Variants in CHD9 observed in about 807,000 individuals in gnomAD.
The protein encoded by CHD9 is chromodomain helicase DNA binding protein 9, also known as ATP-dependent chromatin remodeler CHD9.
In CHD9, 77 loss-of-function variants were observed where a neutral mutation model predicts 316.1. That is an observed-to-expected ratio of 0.24 (90% CI 0.20 to 0.29). CHD9 has a LOEUF of 0.29. Among genes scored for constraint, CHD9 ranks in the 10% least tolerant of loss-of-function variants. CHD9 has a pLI of 1.00. For missense variants in CHD9, 2,763 were observed against 3,438.1 expected (o/e 0.80, Z 4.91); for synonymous variants, 1,129 against 1,158.3 (o/e 0.97, Z 0.51).
intron 1 of CHD9, among the ~76,000 whole-genome samples, chr16:53,154,178 T>C (rs907288065): frequency 2.0e-5 from 3 of 152,226 alleles, no homozygotes; most frequent in Non-Finnish European, 4.4e-5. Context: ...CTGGGCTTCC[T>C]AATTTTTTGA....
intron 30 of CHD9, among the ~76,000 whole-genome samples, chr16:53,297,695 C>T (rs1042723292): frequency 6.6e-6 from 1 of 152,242 alleles, no homozygotes; most frequent in African/African-American, 2.4e-5. Context: ...ATAGCTCATC[C>T]TGTCAACAGT....
At chr16:53,255,838 A>G in intron 19 of CHD9, 59 bp downstream of exon 19, 2 of 1,461,668 alleles carry the variant, frequency 1.4e-6, no homozygotes, top group Admixed American at 1.8e-5. Flanking sequence ...AACTACTGAG[A>G]AAGTTTAATT....
At chr16:53,127,540 G>A (rs1344601469) in intron 1 of CHD9, among the ~76,000 whole-genome samples, 1 of 152,132 alleles carries the variant, frequency 6.6e-6, no homozygotes, top group African/African-American at 2.4e-5. Flanking sequence ...GGGCCAGACA[G>A]TTCTAAGTGT....
chr16:53,163,935 A>AT (rs574560574), intron 2 of CHD9, among the ~76,000 whole-genome samples: 149 of 152,236 alleles, frequency 9.8e-4, no homozygotes, highest in Non-Finnish European at 1.6e-3. Context: ...TTTGGATATG[A>AT]TTTTTTTCCT....
Position 53,120,152 on chromosome 16 carries a change from A to AAC in CHD9, c.-164-35774_-164-35773insAC, listed in dbSNP as rs763465049. Among the ~76,000 whole-genome samples the AAC allele has an allele frequency of 9.9e-4, 150 of 152,280 alleles. 1 individual carries two copies. The highest frequency in any genetic ancestry group is 1.7e-3 in the Non-Finnish European group (115 of 68,024). On this transcript the variant is annotated intron_variant, in intron 1 of 38. Coordinates refer to ENST00000447540, the MANE Select transcript of CHD9 (RefSeq NM_001308319.2). ...TAGGCTGAGGTAAGAGGATCGCTTG[A>AAC]GCCCAGGACTTGGAGGTTGCAACAA...
chr16:53,268,531 C>T (rs2051913046), intron 22 of CHD9, among the ~76,000 whole-genome samples: 1 of 152,118 alleles, frequency 6.6e-6, no homozygotes, highest in African/African-American at 2.4e-5. Context: ...TCCATGTACC[C>T]TCCTCCTTGT....
intron 2 of CHD9, among the ~76,000 whole-genome samples, chr16:53,208,911 A>C (rs1567480718): frequency 6.6e-6 from 1 of 152,200 alleles, no homozygotes; most frequent in Non-Finnish European, 1.5e-5. Context: ...AAAAATTTTC[A>C]CATTTAACTC....
chr16:53,310,726 CCA>C (rs1357925143), intron 34 of CHD9: 1 of 151,352 alleles, frequency 6.6e-6, no homozygotes, highest in Non-Finnish European at 1.5e-5. Context: ...TGGCGCGTGC[CCA>C]GATTCCCAGC....
intron 2 of CHD9, among the ~76,000 whole-genome samples, chr16:53,171,787 GT>G (rs1180698544): frequency 1.3e-5 from 2 of 151,128 alleles, no homozygotes; most frequent in Admixed American, 1.3e-4. Flanking sequence ...GGAGACAGGG[GT>G]TGCAGGTGAC....
intron 2 of CHD9, among the ~76,000 whole-genome samples, chr16:53,160,870 G>A (rs751844809): frequency 3.6e-4 from 55 of 152,284 alleles, no homozygotes; most frequent in Non-Finnish European, 7.2e-4. Context: ...TCACACCATT[G>A]CATTCCAGCC....
chr16:53,286,333 T>C lies in CHD9; in HGVS notation c.5179T>C (p.Tyr1727His). The C allele has an allele frequency of 1.3e-6, 2 of 1,579,398 alleles. No individual in the cohort carries two copies. Among genetic ancestry groups the C allele is most frequent in the Non-Finnish European group, 1.7e-6 (2 of 1,148,568 alleles). The change falls in exon 26 of 39, where the codon TAT becomes CAT. Residue 1727 changes from tyrosine to histidine, a missense_variant. Tyr to His is a moderately conservative substitution (Grantham distance 83). Around this residue, in one of 15 missense-constraint regions of CHD9, gnomAD observed 183 missense variants for 258.5 expected, o/e 0.71. Transcript: ENST00000447540. ...TGCTGCTGAACAGAGAGCGAATGATTATATGGATGGGTATGTGTGTTTCAG... is the reference window on the plus strand; with the variant it reads ...TGCTGCTGAACAGAGAGCGAATGATCATATGGATGGGTATGTGTGTTTCAG... ...AVAAEQRAND[Y>H]MDGDVEDPEY...
chr16:53,136,670 G>C (rs938596720), intron 1 of CHD9, among the ~76,000 whole-genome samples: 5 of 151,972 alleles, frequency 3.3e-5, no homozygotes, highest in Admixed American at 2.6e-4. Flanking sequence ...CTAATATTAG[G>C]GAATGCTTTA....
At chr16:53,133,106 A>C (rs2039453507) in intron 1 of CHD9, among the ~76,000 whole-genome samples, 1 of 152,104 alleles carries the variant, frequency 6.6e-6, no homozygotes, top group South Asian at 2.1e-4. Context: ...TGTATTACAG[A>C]CCTGAAGTGC....
chr16:53,075,366 G>A (rs1025255710), intron 1 of CHD9, among the ~76,000 whole-genome samples: 9 of 152,088 alleles, frequency 5.9e-5, no homozygotes, highest in Non-Finnish European at 2.9e-5. Flanking sequence ...TAAGACTTTG[G>A]GGGACTATTG....
intron 1 of CHD9, among the ~76,000 whole-genome samples, chr16:53,064,355 C>A (rs772414276): frequency 2.0e-5 from 3 of 152,162 alleles, no homozygotes; most frequent in Non-Finnish European, 4.4e-5. Context: ...TTCAGCAGAA[C>A]CTATAAAGTT....
intron 23 of CHD9, 81 bp downstream of exon 23, chr16:53,273,866 T>C (rs528981761): frequency 1.5e-6 from 2 of 1,314,856 alleles, no homozygotes; most frequent in South Asian, 1.4e-5. Flanking sequence ...CTTGCTGATT[T>C]TGAGTACAGA....
intron 1 of CHD9, among the ~76,000 whole-genome samples, chr16:53,101,094 C>A (rs1453749318): frequency 6.6e-6 from 1 of 152,120 alleles, no homozygotes; most frequent in African/African-American, 2.4e-5. Context: ...CCTCTGGCTA[C>A]ATTAGGATTT....
rs12447533 is a variant in CHD9 at position 53,082,049 on chromosome 16, C to T, written c.-165+26972C>T. On this transcript the variant is annotated intron_variant, in intron 1 of 38. Transcript: ENST00000447540. Reference sequence around the variant, plus strand: ...ATGTATGAATGTTCTTTGTCTCCTGCGCACTGGAATTTAAAAGTCACTTTG... The same window carrying T: ...ATGTATGAATGTTCTTTGTCTCCTGTGCACTGGAATTTAAAAGTCACTTTG... Among the ~76,000 whole-genome samples the T allele has an allele frequency of 6.5e-3, 994 of 152,190 alleles. 41 individuals carry two copies. Among genetic ancestry groups the T allele is most frequent in the Admixed American group, 0.061 (932 of 15,278 alleles).
chr16:53,099,939 G>A (rs1013790664), intron 1 of CHD9, among the ~76,000 whole-genome samples: 1 of 152,200 alleles, frequency 6.6e-6, no homozygotes, highest in African/African-American at 2.4e-5. Flanking sequence ...GTGCAGGGCG[G>A]GGGAGGAGGA....
Sources: allele counts gnomAD v4.1 joint callset (sites outside exome capture counted in the v4.1 genomes callset), GRCh38; gene constraint gnomAD v4.1.1; regional missense constraint gnomAD v4.1.1; transcripts MANE v1.5; gene names NCBI Gene and HGNC (gene_info 2026-07-23, HGNC 2026-07-21).